The following ASRGL1 variants were observed in gnomAD, a reference collection of about 807,000 sequenced individuals.
ASRGL1 encodes isoaspartyl peptidase/L-asparaginase.
A neutral mutation model predicts 22.4 loss-of-function variants in ASRGL1; 16 were observed. The observed-to-expected ratio is 0.71, with a 90% CI of 0.48 to 1.08. The LOEUF (loss-of-function observed/expected upper bound fraction) is 1.08, where lower values mean the gene tolerates loss of function less well. Ranked by LOEUF, ASRGL1 falls within the 50% of genes least tolerant of loss-of-function variation. The probability of loss-of-function intolerance (pLI) is 0.00; values close to 1 mark genes in which losing one functional copy is unlikely to be tolerated. For missense variants in ASRGL1, 412 were observed against 410.1 expected (o/e 1.00, Z -0.04); for synonymous variants, 165 against 159.3 (o/e 1.04, Z -0.27).
At chr11:62,387,607 G>C (rs902009275) in intron 4 of ASRGL1, among the ~76,000 whole-genome samples, 2 of 152,190 alleles carry the variant, frequency 1.3e-5, no homozygotes, top group African/African-American at 2.4e-5. Flanking sequence ...CAGCAGCTGG[G>C]ATGGCATGAT....
chr11:62,392,600 G>T lies in ASRGL1; in HGVS notation c.*316G>T, dbSNP rs1007102838. The T allele has an allele frequency of 5.2e-6, 2 of 381,446 alleles. No homozygotes were observed. Among genetic ancestry groups the T allele is most frequent in the Non-Finnish European group, 9.7e-6 (2 of 206,154 alleles). The allele number at this position is 381,446 out of a possible 1,614,324, so 23.6% of individuals were successfully genotyped here. ...AAAAAAAAAAAGAAAAGGGAAAAAAGAAAGAAAGCAGCAGCATGATCCTGA... is the reference window on the plus strand; with the variant it reads ...AAAAAAAAAAAGAAAAGGGAAAAAATAAAGAAAGCAGCAGCATGATCCTGA... On this transcript the variant is annotated 3_prime_UTR_variant, in exon 7 of 7. Coordinates refer to ENST00000415229, the MANE Select transcript of ASRGL1 (RefSeq NM_001083926.2).
At chr11:62,400,056 A>AG in the ASRGL1 span, among the ~76,000 whole-genome samples, 1 of 152,152 alleles carries the variant, frequency 6.6e-6, no homozygotes, top group East Asian at 1.9e-4. Flanking sequence ...GAGGTCACGC[A>AG]GGGGGCTCCA....
At chr11:62,363,232 C>T (rs2134633528) in intron 4 of ASRGL1, among the ~76,000 whole-genome samples, 1 of 151,538 alleles carries the variant, frequency 6.6e-6, no homozygotes, top group Admixed American at 6.6e-5. Context: ...CATGCCTGGC[C>T]GATTTAAATT....
At chr11:62,357,492 C>T (rs1040570378) in intron 4 of ASRGL1, among the ~76,000 whole-genome samples, 14 of 146,640 alleles carry the variant, frequency 9.5e-5, no homozygotes, top group Non-Finnish European at 2.1e-4. Context: ...AAACTCCTGA[C>T]GTCAGGTGAT....
chr11:62,361,388 G>C (rs1946428985), intron 4 of ASRGL1, among the ~76,000 whole-genome samples: 1 of 150,776 alleles, frequency 6.6e-6, no homozygotes, highest in African/African-American at 2.4e-5. Context: ...GTCTTGCCAT[G>C]TTGCCCAGGC....
At position 62,371,010 on chromosome 11, in the gene ASRGL1, G is replaced by A. The variant is rs1391425163; in HGVS notation, c.491+13866G>A. 4 of 445,764 alleles carry A rather than the reference G, an allele frequency of 9.0e-6. No individual in the cohort carries two copies. The East Asian group carries it at 1.1e-4, about 12-fold the overall frequency. The allele number at this position is 445,764 out of a possible 1,614,324, so 27.6% of individuals were successfully genotyped here. The stretch of plus-strand genomic sequence containing the variant: ...TAAACATCCTGGCGCATTTTTAAGT[G>A]TATCTGAGTGGGCTGGAGCCCTCGT... On this transcript the variant is annotated intron_variant, in intron 4 of 6. Transcript: ENST00000415229.
In ASRGL1 at chr11:62,376,608, T is replaced by A. The variant is rs200999273; in HGVS notation, c.492-12525T>A. Among the ~76,000 whole-genome samples the A allele has an allele frequency of 5.3e-5, 8 of 152,288 alleles. No individual in the cohort carries two copies. In the East Asian group the frequency reaches 1.5e-3, roughly 29 times the overall value. On this transcript the variant is annotated intron_variant, in intron 4 of 6. Coordinates refer to ENST00000415229, the MANE Select transcript of ASRGL1 (RefSeq NM_001083926.2). Reference sequence around the variant, plus strand: ...TTAAAAAATTTAAAGTATAGAGTGCTAGATTAAGTTGCATCTGAGGAGTGG... The same window carrying A: ...TTAAAAAATTTAAAGTATAGAGTGCAAGATTAAGTTGCATCTGAGGAGTGG...
intron 2 of ASRGL1, among the ~76,000 whole-genome samples, chr11:62,344,521 G>C (rs1945961034): frequency 6.6e-6 from 1 of 151,270 alleles, no homozygotes; most frequent in Non-Finnish European, 1.5e-5. Flanking sequence ...TTGTCTTCTA[G>C]AAGTTTTAGG....
intron 2 of ASRGL1, among the ~76,000 whole-genome samples, chr11:62,339,268 G>A (rs557782682): frequency 2.0e-5 from 3 of 152,236 alleles, no homozygotes; most frequent in South Asian, 4.1e-4. Context: ...CTAGAGTCCC[G>A]CTGGAATTTG....
At position 62,376,314 on chromosome 11, in the gene ASRGL1, G is replaced by A. The variant is rs113186946; in HGVS notation, c.492-12819G>A. 4.4e-3 allele frequency among the ~76,000 whole-genome samples: 667 copies of A among 151,984 alleles called. 4 individuals carry two copies. The highest frequency in any genetic ancestry group is 0.015 in the African/African-American group (617 of 41,428). On this transcript the variant is annotated intron_variant, in intron 4 of 6. Transcript: ENST00000415229. Reference sequence around the variant, plus strand: ...TTCATCATATGAGTTGATGGTGCTCGATTGCAGTGTTTCTGTCTCCGCGGA... The same window carrying A: ...TTCATCATATGAGTTGATGGTGCTCAATTGCAGTGTTTCTGTCTCCGCGGA...
intron 4 of ASRGL1, among the ~76,000 whole-genome samples, chr11:62,386,692 A>G (rs984011928): frequency 6.6e-6 from 1 of 152,172 alleles, no homozygotes; most frequent in Non-Finnish European, 1.5e-5. Flanking sequence ...ACAGATACAC[A>G]GGTGTATAAT....
chr11:62,384,673 T>C (rs1332544428), intron 4 of ASRGL1, among the ~76,000 whole-genome samples: 1 of 145,564 alleles, frequency 6.9e-6, no homozygotes, highest in Non-Finnish European at 1.5e-5. Context: ...CCTAGAACTT[T>C]GGGAGGCCAA....
Position 62,378,227 on chromosome 11 carries a change from A to G in ASRGL1, c.492-10906A>G, listed in dbSNP as rs889305723. 1.1e-4 allele frequency among the ~76,000 whole-genome samples: 17 copies of G among 152,170 alleles called. 1 individual carries two copies. Among genetic ancestry groups the G allele is most frequent in the African/African-American group, 4.1e-4 (17 of 41,424 alleles). On this transcript the variant is annotated intron_variant, in intron 4 of 6. Transcript: ENST00000415229. The stretch of plus-strand genomic sequence containing the variant: ...TCTATTTGCATCCCTAAGTAATGAA[A>G]AGGAGTAGAGGTTTGAATCTTATCA...
chr11:62,338,279 A>G, intron 2 of ASRGL1, 112 bp downstream of exon 2: 1 of 1,099,556 alleles, frequency 9.1e-7, no homozygotes, highest in Non-Finnish European at 1.2e-6. Context: ...GGTGAAACTA[A>G]GTATGTAAAA....
chr11:62,359,433 C>T (rs1282808526), intron 4 of ASRGL1, among the ~76,000 whole-genome samples: 4 of 150,776 alleles, frequency 2.7e-5, no homozygotes, highest in Admixed American at 1.3e-4. Context: ...GCAACAAGAG[C>T]GAAACTTTGT....
intron 2 of ASRGL1, among the ~76,000 whole-genome samples, chr11:62,342,715 G>A (rs1255196908): frequency 2.6e-5 from 4 of 151,788 alleles, no homozygotes; most frequent in Admixed American, 6.6e-5. Context: ...TCAAGATTAT[G>A]CCACTGCACT....
intron 4 of ASRGL1, among the ~76,000 whole-genome samples, chr11:62,373,546 T>G (rs1046157506): frequency 2.0e-5 from 3 of 152,172 alleles, no homozygotes; most frequent in Non-Finnish European, 4.4e-5. Context: ...TCTAAGTGGA[T>G]GCTACATGGA....
chr11:62,344,115 C>A (rs1945949219), intron 2 of ASRGL1, among the ~76,000 whole-genome samples: 1 of 150,202 alleles, frequency 6.7e-6, no homozygotes, highest in African/African-American at 2.5e-5. Context: ...CCAGGCTGAT[C>A]TTGAACTCCT....
rs1322865996 is a variant in ASRGL1 at position 62,368,573 on chromosome 11, G to A, written c.491+11429G>A. Among the ~76,000 whole-genome samples, 3 of 152,306 alleles carry A rather than the reference G, an allele frequency of 2.0e-5. No homozygotes were observed. In the East Asian group the frequency reaches 5.8e-4, roughly 29 times the overall value. On this transcript the variant is annotated intron_variant, in intron 4 of 6. Coordinates refer to ENST00000415229, the MANE Select transcript of ASRGL1 (RefSeq NM_001083926.2). Reference sequence around the variant, plus strand: ...GACAGAGAAAAGAAAGAGACACAGAGACAAAGTATAGAAGAAAAGTGGGCC... The same window carrying A: ...GACAGAGAAAAGAAAGAGACACAGAAACAAAGTATAGAAGAAAAGTGGGCC...
Sources: allele counts gnomAD v4.1 joint callset (sites outside exome capture counted in the v4.1 genomes callset), GRCh38; gene constraint gnomAD v4.1.1; transcripts MANE v1.5; gene names NCBI Gene and HGNC (gene_info 2026-07-23, HGNC 2026-07-21).